The following PRKCE variants were observed in gnomAD, a reference collection of about 807,000 sequenced individuals.
PRKCE encodes protein kinase C epsilon type.
PRKCE carries 16 observed loss-of-function variants against 85.4 expected under a neutral mutation model. That is an observed-to-expected ratio of 0.19 (90% confidence interval 0.13 to 0.28). The LOEUF (loss-of-function observed/expected upper bound fraction) is 0.28, where lower values mean the gene tolerates loss of function less well. PRKCE is among the 10% of genes least tolerant of loss of function. PRKCE has a pLI of 1.00. For missense variants in PRKCE, 573 were observed against 975.2 expected, an observed-to-expected ratio of 0.59 and a Z score of 5.49; for synonymous variants, 388 against 371.5, an observed-to-expected ratio of 1.04 and a Z score of -0.51.
rs1702642586 is a variant in PRKCE, at chr2:45,978,620, C to G, written c.573-356C>G. On this transcript the variant is annotated intron_variant, in intron 3 of 14. Coordinates refer to ENST00000306156, the MANE Select transcript of PRKCE (RefSeq NM_005400.3). ...CCTGGTGCTGGGAGAAGAGGAATGT[C>G]CATTCTATCCACAAGGAAAGGTATG... The G allele has an allele frequency of 1.4e-5, 3 of 210,176 alleles. No homozygotes were observed. In the Admixed American group the frequency reaches 1.6e-4, roughly 11 times the overall value. The allele number at this position is 210,176 out of a possible 1,614,324, so 13.0% of individuals were successfully genotyped here.
In PRKCE at chr2:45,786,156, G is replaced by A. The variant is rs1686588627; in HGVS notation, c.349-56844G>A. ...GAAATGAGCAATGTATTATTAGCAA[G>A]GGGCATTGATTGCAGTCTGCCAGTG... On this transcript the variant is annotated intron_variant, in intron 1 of 14. Coordinates refer to ENST00000306156, the MANE Select transcript of PRKCE (RefSeq NM_005400.3). The surrounding 1 kb of genome is among the most constrained non-coding windows in gnomAD (Gnocchi z 5.3). Among the ~76,000 whole-genome samples the A allele has an allele frequency of 6.6e-6, 1 of 152,186 alleles. No homozygotes were observed. Among genetic ancestry groups the A allele is most frequent in the African/African-American group, 2.4e-5 (1 of 41,436 alleles).
chr2:45,828,588 C>T (rs1690147890), intron 1 of PRKCE, among the ~76,000 whole-genome samples: 1 of 152,118 alleles, frequency 6.6e-6, no homozygotes, highest in South Asian at 2.1e-4. Context: ...TAATTTGTCT[C>T]ATTTTTAATT....
rs144490629 is a variant in PRKCE at position 46,068,842 on chromosome 2, C to G, written c.1438-17366C>G. Among the ~76,000 whole-genome samples the G allele has an allele frequency of 6.6e-6, 1 of 152,150 alleles. No individual in the cohort carries two copies. The highest frequency in any genetic ancestry group is 2.4e-5 in the African/African-American group (1 of 41,438). On this transcript the variant is annotated intron_variant, in intron 10 of 14. Transcript: ENST00000306156. This position sits in a 1 kb window ranked among gnomAD's most constrained non-coding sequence, Gnocchi z 4.3. Reference sequence around the variant, plus strand: ...GCTCAAGTAGGGACTTGTGAGATACCAGATTGAAATTTAGATTACCACCAG... The same window carrying G: ...GCTCAAGTAGGGACTTGTGAGATACGAGATTGAAATTTAGATTACCACCAG...
chr2:45,930,305 G>T (rs1698942265), intron 2 of PRKCE, among the ~76,000 whole-genome samples: 1 of 152,240 alleles, frequency 6.6e-6, no homozygotes, highest in African/African-American at 2.4e-5. Context: ...TTAAGAGATG[G>T]CCTGGTACTA....
chr2:45,770,087 G>A lies in PRKCE; in HGVS notation c.349-72913G>A, dbSNP rs577460783. ...TGTGAAACGCTCTCCTTCTCTATGC[G>A]CATGTCTTTTATCCCCTCTCTTGGG... On this transcript the variant is annotated intron_variant, in intron 1 of 14. Coordinates refer to ENST00000306156, the MANE Select transcript of PRKCE (RefSeq NM_005400.3). 1.3e-4 allele frequency among the ~76,000 whole-genome samples: 20 copies of A among 152,326 alleles called. No individual in the cohort carries two copies. In the South Asian group the frequency reaches 1.9e-3, roughly 14 times the overall value.
chr2:45,857,131 C>T (rs1006053739), intron 2 of PRKCE, among the ~76,000 whole-genome samples: 1 of 152,150 alleles, frequency 6.6e-6, no homozygotes, highest in African/African-American at 2.4e-5. Flanking sequence ...TTTTGTACTG[C>T]TTTCCATAGT....
chr2:46,015,225 G>GT lies in PRKCE; in HGVS notation c.1437+4718dup, dbSNP rs373569966. On this transcript the variant is annotated intron_variant, in intron 10 of 14. Transcript: ENST00000306156. Reference sequence around the variant, plus strand: ...AGGAGAACCACTGAGAGGTAGTTTTGTTTTTTTTTTCTGGAAGTTACAGGA... The same window carrying GT: ...AGGAGAACCACTGAGAGGTAGTTTTGTTTTTTTTTTTCTGGAAGTTACAGGA... 3.7e-3 allele frequency among the ~76,000 whole-genome samples: 545 copies of GT among 147,324 alleles called. 2 individuals are homozygous for GT. The highest frequency in any genetic ancestry group is 0.011 in the African/African-American group (459 of 40,296).
chr2:45,979,430 C>T (rs577264123), intron 4 of PRKCE, among the ~76,000 whole-genome samples: 1 of 152,340 alleles, frequency 6.6e-6, no homozygotes, highest in East Asian at 1.9e-4. Flanking sequence ...CTTGGTATCA[C>T]TGAAAGGTCC....
At chr2:45,724,416 C>G (rs1265733829) in intron 1 of PRKCE, among the ~76,000 whole-genome samples, 1 of 152,140 alleles carries the variant, frequency 6.6e-6, no homozygotes, top group Admixed American at 6.5e-5. Flanking sequence ...TTCTCTGAGA[C>G]AAAATGATAT....
chr2:45,825,681 C>T (rs568541683), intron 1 of PRKCE, among the ~76,000 whole-genome samples: 4 of 152,014 alleles, frequency 2.6e-5, no homozygotes, highest in South Asian at 2.1e-4. Flanking sequence ...GCCAGGAGTT[C>T]GAGACCAGCC....
At chr2:46,167,683 C>G (rs1039240972) in intron 14 of PRKCE, 1 of 152,220 alleles carries the variant, frequency 6.6e-6, no homozygotes, top group Middle Eastern at 3.2e-3. Context: ...GCCAGCATTC[C>G]CAGCCCTTTT....
At chr2:45,901,063 T>C (rs1696544132) in intron 2 of PRKCE, among the ~76,000 whole-genome samples, 1 of 152,238 alleles carries the variant, frequency 6.6e-6, no homozygotes, top group Non-Finnish European at 1.5e-5. Context: ...GGAAAGATTC[T>C]GATGAATTGA....
chr2:45,785,298 C>G (rs796123373), intron 1 of PRKCE, among the ~76,000 whole-genome samples: 3 of 152,258 alleles, frequency 2.0e-5, no homozygotes, highest in African/African-American at 7.2e-5. Flanking sequence ...AGAGACCAGC[C>G]TGGCCAACAT....
intron 2 of PRKCE, among the ~76,000 whole-genome samples, chr2:45,892,249 G>T (rs1046113970): frequency 6.6e-6 from 1 of 152,196 alleles, no homozygotes; most frequent in African/African-American, 2.4e-5. Context: ...CATGGCCCAA[G>T]TGTGCATTGC....
At chr2:46,168,925 G>A (rs1030222262) in intron 14 of PRKCE, among the ~76,000 whole-genome samples, 5 of 152,174 alleles carry the variant, frequency 3.3e-5, no homozygotes, top group South Asian at 2.1e-4. Context: ...CTATCTCTGC[G>A]GAGAGGACTA....
chr2:45,913,699 C>T (rs760309372), intron 2 of PRKCE, among the ~76,000 whole-genome samples: 11 of 152,236 alleles, frequency 7.2e-5, no homozygotes, highest in Non-Finnish European at 1.2e-4. Flanking sequence ...TTCACTCACT[C>T]ACTTGAACAA....
intron 10 of PRKCE, among the ~76,000 whole-genome samples, chr2:46,015,390 A>G (rs1198564087): frequency 1.3e-5 from 2 of 152,096 alleles, no homozygotes; most frequent in Non-Finnish European, 2.9e-5. Context: ...TCATCTCTAC[A>G]CAATTCTACC....
At chr2:45,909,284 A>G (rs79357691) in intron 2 of PRKCE, among the ~76,000 whole-genome samples, 10,200 of 152,308 alleles carry the variant, frequency 0.067, 656 homozygotes, top group East Asian at 0.31. Context: ...GGAAGGCTCC[A>G]ATTGGTTTAT....
chr2:45,745,192 T>A (rs975033564), intron 1 of PRKCE, among the ~76,000 whole-genome samples: 1 of 152,108 alleles, frequency 6.6e-6, no homozygotes, highest in African/African-American at 2.4e-5. Context: ...TGCAAACCAT[T>A]CAATTCTGTG....
Sources: gnomAD v4.1 joint callset for allele counts (sites outside exome capture counted in the v4.1 genomes callset) on GRCh38, gnomAD v4.1.1 for gene constraint, Gnocchi (gnomAD v3.1) non-coding constraint, MANE v1.5 for transcripts, NCBI Gene and HGNC (gene_info 2026-07-23, HGNC 2026-07-21) for gene names.